Variants in ABCA10 observed in about 807,000 individuals in gnomAD.
ABCA10 encodes the protein ATP-binding cassette sub-family A member 10.
In ABCA10, 169 loss-of-function variants were observed where a neutral mutation model predicts 187.5. The ratio of observed to expected loss-of-function variants is 0.90; its 90% confidence interval spans 0.80 to 1.02. The LOEUF (loss-of-function observed/expected upper bound fraction) is 1.02. Ranked by LOEUF, ABCA10 falls within the 50% of genes least tolerant of loss-of-function variation. ABCA10 has a pLI of 0.00. For missense variants in ABCA10, 1,727 were observed against 1,812.4 expected (o/e 0.95, Z 0.86); for synonymous variants, 574 against 601.8 (o/e 0.95, Z 0.68).
Position 69,193,911 on chromosome 17 carries a change from G to T in ABCA10, c.1424C>A (p.Pro475Gln). 1 of 1,612,686 alleles carries T rather than the reference G, an allele frequency of 6.2e-7. No individual in the cohort carries two copies. Residue 475 changes from proline to glutamine, a missense_variant, in exon 13 of 39, where the codon CCA (proline) becomes CAA (glutamine). By Grantham distance (76) the Pro-to-Gln change is moderately conservative. Transcript: ENST00000690296. ...EEIRKNIGFC[P>Q]QFNFQFDFLT... ...GAAGTCAAATTGAAAATTGAACTGT[G>T]GACAAAATCCAATATTCTTTCTAAT...
upstream of ABCA10, among the ~76,000 whole-genome samples, chr17:69,229,113 T>A (rs1334004351): frequency 6.6e-6 from 1 of 152,082 alleles, no homozygotes; most frequent in African/African-American, 2.4e-5. Context: ...TTCAGTTAAA[T>A]GGTTCCTTGT....
At chr17:69,167,302 T>A (rs539670120) in intron 25 of ABCA10, among the ~76,000 whole-genome samples, 3 of 152,078 alleles carry the variant, frequency 2.0e-5, no homozygotes, top group Non-Finnish European at 2.9e-5. Context: ...CAGTACTCTA[T>A]GGAAAGGATT....
At chr17:69,188,993 G>A (rs554166450) in intron 18 of ABCA10, among the ~76,000 whole-genome samples, 4 of 152,062 alleles carry the variant, frequency 2.6e-5, no homozygotes, top group South Asian at 4.2e-4. Flanking sequence ...TGCAATGAAC[G>A]TATCTGTATA....
intron 1 of ABCA10, among the ~76,000 whole-genome samples, chr17:69,239,286 CAG>C (rs1292115109): frequency 6.6e-6 from 1 of 152,150 alleles, no homozygotes; most frequent in African/African-American, 2.4e-5. Context: ...GACTGGAAGA[CAG>C]AGGCCTTATC....
chr17:69,211,560 AT>A (rs907775799), intron 9 of ABCA10, among the ~76,000 whole-genome samples: 2 of 150,982 alleles, frequency 1.3e-5, no homozygotes, highest in African/African-American at 2.4e-5. Context: ...ATAGGTATCA[AT>A]TCTTCTTTGA....
chr17:69,197,025 A>AGGGGGT (rs753452363), intron 11 of ABCA10, 39 bp downstream of exon 11: 1 of 1,350,334 alleles, frequency 7.4e-7, no homozygotes, highest in African/African-American at 1.5e-5. Context: ...GGGGAGGGGG[A>AGGGGGT]GAGGGAGAGG....
chr17:69,167,723 G>A (rs778840933), intron 25 of ABCA10, among the ~76,000 whole-genome samples: 1 of 152,072 alleles, frequency 6.6e-6, no homozygotes, highest in Non-Finnish European at 1.5e-5. Context: ...TCTGAAAGAA[G>A]GATTCTGATT....
In ABCA10 at chr17:69,209,712, T is replaced by G. The variant is rs542703336; in HGVS notation, c.1006+4992A>C. 1.4e-3 allele frequency among the ~76,000 whole-genome samples: 115 copies of G among 82,092 alleles called. No homozygotes were observed. In the Middle Eastern group the frequency reaches 0.018, roughly 13 times the overall value. 53.9% of individuals were successfully genotyped at this position (82,092 alleles called of 152,430 possible). ...CGTGTCACTGAACAATGGGGATACC[T>G]TCTGAGAATGTGTCATTTTGTCATT... On this transcript the variant is annotated intron_variant, in intron 9 of 38. Transcript: ENST00000690296.
In ABCA10 at chr17:69,210,839, T is replaced by TATA. The variant is rs1568069864; in HGVS notation, c.1006+3864_1006+3865insTAT. 1.2e-3 allele frequency among the ~76,000 whole-genome samples: 37 copies of TATA among 31,072 alleles called. 3 individuals carry two copies. Among genetic ancestry groups the TATA allele is most frequent in the African/African-American group, 2.3e-3 (35 of 15,120 alleles). 20.4% of individuals were successfully genotyped at this position (31,072 alleles called of 152,430 possible). On this transcript the variant is annotated intron_variant, in intron 9 of 38. Transcript: ENST00000690296. ...ATACATATATATATATGCCACATATTTATGCCACATATATATATATATATA... is the reference window on the plus strand; with the variant it reads ...ATACATATATATATATGCCACATATTATATATGCCACATATATATATATATATA...
Position 69,155,132 on chromosome 17 carries a change from G to C in ABCA10, c.3581C>G (p.Pro1194Arg). The change falls in exon 30 of 39, where the codon CCA (proline) becomes CGA (arginine). Residue 1194 changes from proline (P) to arginine (R), a missense_variant. Transcript: ENST00000690296. ...GTGTAAACAGCTTGCAGTTATGACT[G>C]GTTCCTGGAAAACATGACAAAGCAT... The part of the protein sequence containing the change: ...ALTAPNLEEE[P>R]VITASCLHKE... The C allele has an allele frequency of 6.3e-7, 1 of 1,595,794 alleles. No homozygotes were observed. The highest frequency in any genetic ancestry group is 8.6e-7 in the Non-Finnish European group (1 of 1,169,216).
chr17:69,217,011 T>C (rs564609184), intron 6 of ABCA10, among the ~76,000 whole-genome samples: 21 of 151,852 alleles, frequency 1.4e-4, no homozygotes, highest in Non-Finnish European at 2.6e-4. Flanking sequence ...CTTTGGGAGG[T>C]TGAGGCAGGT....
chr17:69,197,063 C>T lies in ABCA10; in HGVS notation c.1234+1G>A. 1 of 1,571,008 alleles carries T rather than the reference C, an allele frequency of 6.4e-7. No individual in the cohort carries two copies. Among genetic ancestry groups the T allele is most frequent in the Non-Finnish European group, 8.7e-7 (1 of 1,152,376 alleles). Reference sequence around the variant, plus strand: ...GAGGGAGAGGGAGTTTTTCTTTTTACCTTGCAATGCTTCTACTTTTCCAGT... The same window carrying T: ...GAGGGAGAGGGAGTTTTTCTTTTTATCTTGCAATGCTTCTACTTTTCCAGT... On this transcript the variant is annotated splice_donor_variant, in intron 11 of 38. Transcript: ENST00000690296. LOFTEE classifies it high-confidence loss of function.
At chr17:69,181,873 T>C (rs921435957) in intron 22 of ABCA10, among the ~76,000 whole-genome samples, 2 of 151,436 alleles carry the variant, frequency 1.3e-5, no homozygotes, top group African/African-American at 4.8e-5. Context: ...TTGAATAAAT[T>C]TAAATGTGTA....
chr17:69,203,261 T>C (rs2074561953), intron 9 of ABCA10, among the ~76,000 whole-genome samples: 1 of 151,896 alleles, frequency 6.6e-6, no homozygotes. Context: ...AATTACACTA[T>C]GAAAAAACAA....
intron 9 of ABCA10, among the ~76,000 whole-genome samples, chr17:69,212,279 C>T (rs1445679989): frequency 6.6e-6 from 1 of 152,086 alleles, no homozygotes; most frequent in Non-Finnish European, 1.5e-5. Context: ...TGTGTGTTTG[C>T]ATGGTTCTGA....
At chr17:69,197,436 C>G (rs1292804497) in intron 10 of ABCA10, among the ~76,000 whole-genome samples, 1 of 151,986 alleles carries the variant, frequency 6.6e-6, no homozygotes. Flanking sequence ...GGGAGAGAGG[C>G]TTTCCCTCAA....
intron 9 of ABCA10, among the ~76,000 whole-genome samples, chr17:69,207,679 T>C (rs1308570713): frequency 6.6e-6 from 1 of 152,170 alleles, no homozygotes; most frequent in Non-Finnish European, 1.5e-5. Context: ...CCATATGATC[T>C]CATTTATATG....
intron 10 of ABCA10, among the ~76,000 whole-genome samples, chr17:69,198,285 C>T (rs534467942): frequency 1.3e-5 from 2 of 152,190 alleles, no homozygotes; most frequent in East Asian, 3.9e-4. Flanking sequence ...TTTAATTGTC[C>T]CTTGTCTATC....
chr17:69,232,591 AATTT>A (rs1315075060), upstream of ABCA10, among the ~76,000 whole-genome samples: 8 of 152,246 alleles, frequency 5.3e-5, no homozygotes, highest in East Asian at 5.8e-4. Context: ...CTTAGCAAAT[AATTT>A]ATTATTTTTA....
Sources: gnomAD v4.1 joint callset for allele counts (sites outside exome capture counted in the v4.1 genomes callset) on GRCh38, gnomAD v4.1.1 for gene constraint, MANE v1.5 for transcripts, NCBI Gene and HGNC (gene_info 2026-07-23, HGNC 2026-07-21) for gene names.